Variants in CPEB2 observed in about 807,000 individuals in gnomAD.
CPEB2 encodes the protein cytoplasmic polyadenylation element binding protein 2.
In CPEB2, 56 loss-of-function variants were observed where a neutral mutation model predicts 93.6. That is an observed-to-expected ratio of 0.60 (90% CI 0.48 to 0.75). CPEB2 has a LOEUF of 0.75. Ranked by LOEUF, CPEB2 falls within the 30% of genes least tolerant of loss-of-function variation. The probability of loss-of-function intolerance (pLI) is 0.00; values close to 1 mark genes in which losing one functional copy is unlikely to be tolerated. For missense variants in CPEB2, 1,579 were observed against 1,395.1 expected (o/e 1.13, Z -2.10); for synonymous variants, 764 against 586.3 (o/e 1.30, Z -4.38).
intron 3 of CPEB2, among the ~76,000 whole-genome samples, chr4:15,011,944 G>C (rs116536815): frequency 0.01 from 1,330 of 129,046 alleles, 15 homozygotes; most frequent in African/African-American, 0.04. Flanking sequence ...TGAATTAATT[G>C]AAGATACTTT....
intron 6 of CPEB2, among the ~76,000 whole-genome samples, chr4:15,047,915 T>G (rs1447461169): frequency 2.9e-5 from 3 of 103,286 alleles, no homozygotes; most frequent in East Asian, 2.8e-4. Context: ...GGAGTTGTGG[T>G]TTTTTTTTTT....
At chr4:15,039,251 G>A (rs916583121) in intron 5 of CPEB2, among the ~76,000 whole-genome samples, 2 of 152,170 alleles carry the variant, frequency 1.3e-5, no homozygotes, top group Admixed American at 6.5e-5. Context: ...TTAAATGACT[G>A]AGAGTTGACA....
chr4:15,059,390 T>C (rs1728993941), intron 10 of CPEB2, 89 bp downstream of exon 10: 5 of 827,836 alleles, frequency 6.0e-6, no homozygotes, highest in East Asian at 5.1e-5. Context: ...ATTGTGTACA[T>C]GACACTATTG....
chr4:15,019,802 C>T (rs1003068314), intron 4 of CPEB2, among the ~76,000 whole-genome samples: 2 of 151,784 alleles, frequency 1.3e-5, no homozygotes, highest in African/African-American at 4.8e-5. Context: ...GGAAAATGAA[C>T]TTGAGTGAGG....
intron 3 of CPEB2, among the ~76,000 whole-genome samples, chr4:15,016,224 CATGCGTGTAT>C (rs1260030506): frequency 1.3e-5 from 2 of 152,022 alleles, no homozygotes; most frequent in African/African-American, 4.8e-5. Context: ...TAAGCTTACA[CATGCGTGTAT>C]ACACATATGT....
Position 15,003,704 on chromosome 4 carries a change from G to A in CPEB2, c.1031G>A (p.Ser344Asn). Residue 344 changes from serine (S) to asparagine (N), a missense_variant, in exon 1 of 12, where the codon AGC (serine) becomes AAC (asparagine). This residue lies in a region of CPEB2 where 1,411 missense variants were observed against 1,056.0 expected (regional missense o/e 1.34). Coordinates refer to ENST00000538197, the MANE Select transcript of CPEB2 (RefSeq NM_001177382.2). ...GCGGGCGCCTTCAGCAGCCTGCAGA[G>A]CCCGGACCTTCCACACCCGGGCGGC... is the stretch of plus-strand genomic sequence containing the variant. ...LGAGAFSSLQSPDLPHPGGGG... is the reference protein window; with the variant it reads ...LGAGAFSSLQNPDLPHPGGGG... 1.4e-6 allele frequency: 2 copies of A among 1,396,460 alleles called. No homozygotes were observed. The highest frequency in any genetic ancestry group is 3.2e-5 in the East Asian group (1 of 31,628). 86.5% of individuals were successfully genotyped at this position (1,396,460 alleles called of 1,614,324 possible). A position where few individuals can be genotyped will look rare whatever the true frequency, so the allele number is the denominator to read the frequency against.
chr4:15,061,300 C>T (rs1432321169), intron 10 of CPEB2, among the ~76,000 whole-genome samples: 3 of 152,012 alleles, frequency 2.0e-5, no homozygotes, highest in Non-Finnish European at 4.4e-5. Flanking sequence ...AGTTAGGGTA[C>T]TCTGACATTG....
intron 4 of CPEB2, among the ~76,000 whole-genome samples, chr4:15,026,653 C>T (rs1725512431): frequency 6.6e-6 from 1 of 152,088 alleles, no homozygotes; most frequent in Admixed American, 6.6e-5. Flanking sequence ...ATAGGAGGAG[C>T]CCAGTAAATT....
chr4:15,064,504 T>A (rs1386013668), intron 11 of CPEB2, among the ~76,000 whole-genome samples: 2 of 151,730 alleles, frequency 1.3e-5, no homozygotes, highest in Non-Finnish European at 3.0e-5. Flanking sequence ...CCTGAACATC[T>A]GGTGTTTTAT....
intron 1 of CPEB2, chr4:15,006,392 G>A (rs927120180): frequency 2.7e-5 from 4 of 150,670 alleles, no homozygotes; most frequent in Admixed American, 6.6e-5. Context: ...CTTACTGACA[G>A]TAGAATTACC....
rs560385508 is a variant in CPEB2, at chr4:15,033,021, A to C, written c.2126-140A>C. On this transcript the variant is annotated intron_variant, in intron 4 of 11. Transcript: ENST00000538197. ...AGTTAATATACTTTTAGTTGAACAT[A>C]AGCTTTTTAGTTCTTAAGAAATATA... is the stretch of plus-strand genomic sequence containing the variant. 6 of 571,426 alleles carry C rather than the reference A, an allele frequency of 1.0e-5. No homozygotes were observed. The African/African-American group carries it at 1.2e-4, about 11-fold the overall frequency. 35.4% of individuals were successfully genotyped at this position (571,426 alleles called of 1,614,324 possible).
intron 6 of CPEB2, among the ~76,000 whole-genome samples, chr4:15,043,896 T>C (rs1292904572): frequency 2.0e-5 from 3 of 152,102 alleles, no homozygotes; most frequent in African/African-American, 4.8e-5. Flanking sequence ...TTATTCATAG[T>C]GTATAGTCAT....
At chr4:15,054,639 C>G (rs750875977) in intron 8 of CPEB2, among the ~76,000 whole-genome samples, 2 of 151,006 alleles carry the variant, frequency 1.3e-5, no homozygotes, top group Non-Finnish European at 2.9e-5. Context: ...AGATGTAAAA[C>G]TTGAGGAAGA....
At chr4:15,023,085 A>G (rs189857712) in intron 4 of CPEB2, among the ~76,000 whole-genome samples, 2 of 152,174 alleles carry the variant, frequency 1.3e-5, no homozygotes, top group South Asian at 2.1e-4. Flanking sequence ...AGAAACTACA[A>G]TGAATTTTAT....
chr4:15,033,066 C>T (rs1726280286), intron 4 of CPEB2, 95 bp from the exon 5 acceptor site: 2 of 801,922 alleles, frequency 2.5e-6, no homozygotes, highest in South Asian at 1.6e-5. Context: ...ATAATTTTCT[C>T]TTTATGCTGC....
At chr4:15,042,460 G>C (rs1487214408) in intron 6 of CPEB2, among the ~76,000 whole-genome samples, 1 of 152,146 alleles carries the variant, frequency 6.6e-6, no homozygotes, top group Non-Finnish European at 1.5e-5. Context: ...ATTGGAAGAA[G>C]GAAGACTCTC....
intron 6 of CPEB2, among the ~76,000 whole-genome samples, chr4:15,046,300 A>C (rs965268090): frequency 6.6e-6 from 1 of 151,794 alleles, no homozygotes; most frequent in East Asian, 1.9e-4. Context: ...ATCTCGGCTC[A>C]CTGCAACCTC....
chr4:15,011,049 C>A (rs563753271), intron 3 of CPEB2, among the ~76,000 whole-genome samples: 1 of 150,504 alleles, frequency 6.6e-6, no homozygotes, highest in Admixed American at 6.6e-5. Context: ...TTATTATAAA[C>A]ATTTCTGACT....
chr4:15,002,758 G>A lies in CPEB2; in HGVS notation c.85G>A (p.Gly29Ser), dbSNP rs1289715687. Residue 29 changes from glycine to serine, a missense_variant, in exon 1 of 12, where the codon GGT becomes AGT. Around this residue, in one of 2 missense-constraint regions of CPEB2, gnomAD observed 1,411 missense variants for 1,056.0 expected, o/e 1.34. Transcript: ENST00000538197. ...PGPLFCGEAY[G>S]PYAVGSVNPL... Reference sequence around the variant, plus strand: ...GCCCCTGTTCTGCGGCGAGGCGTATGGTCCTTACGCCGTGGGGTCCGTCAA... The same window carrying A: ...GCCCCTGTTCTGCGGCGAGGCGTATAGTCCTTACGCCGTGGGGTCCGTCAA... 6.5e-6 allele frequency: 10 copies of A among 1,535,362 alleles called. No homozygotes were observed. The highest frequency in any genetic ancestry group is 8.7e-6 in the Non-Finnish European group (10 of 1,146,656).
Sources: gnomAD v4.1 joint callset for allele counts (sites outside exome capture counted in the v4.1 genomes callset) on GRCh38, gnomAD v4.1.1 for gene constraint, gnomAD v4.1.1 regional missense constraint, MANE v1.5 for transcripts, NCBI Gene and HGNC (gene_info 2026-07-23, HGNC 2026-07-21) for gene names.